COL28A1: variants seen among roughly 807,000 people sequenced by gnomAD.
COL28A1 encodes the protein collagen type XXVIII alpha 1 chain.
A neutral mutation model predicts 150.2 loss-of-function variants in COL28A1; 161 were observed. The observed-to-expected ratio is 1.07, with a 90% CI of 0.94 to 1.22. COL28A1 has a LOEUF of 1.22. COL28A1 is among the 50% of genes most tolerant of loss of function. The pLI, the probability that COL28A1 is intolerant of heterozygous loss-of-function variation, is 0.00. For missense variants in COL28A1, 1,617 were observed against 1,388.3 expected, an observed-to-expected ratio of 1.16 and a Z score of -2.62; for synonymous variants, 552 against 469.7, an observed-to-expected ratio of 1.18 and a Z score of -2.26.
chr7:7,503,766 A>G (rs1216884327), intron 11 of COL28A1, among the ~76,000 whole-genome samples: 1 of 152,224 alleles, frequency 6.6e-6, no homozygotes, highest in Non-Finnish European at 1.5e-5. Context: ...AGAAGTTAGT[A>G]ATAGTGTCAA....
intron 27 of COL28A1, among the ~76,000 whole-genome samples, chr7:7,397,778 C>T (rs1414810154): frequency 1.3e-5 from 2 of 152,102 alleles, no homozygotes; most frequent in African/African-American, 4.8e-5. Flanking sequence ...TGTACAGGTA[C>T]CTTACCCCCT....
chr7:7,393,217 C>G (rs921945822), intron 27 of COL28A1, among the ~76,000 whole-genome samples: 1 of 152,236 alleles, frequency 6.6e-6, no homozygotes, highest in Non-Finnish European at 1.5e-5. Flanking sequence ...AGTCTGGCCC[C>G]TCTGCTGCAG....
chr7:7,489,748 C>A (rs1287947319), intron 12 of COL28A1, among the ~76,000 whole-genome samples: 1 of 152,160 alleles, frequency 6.6e-6, no homozygotes, highest in Non-Finnish European at 1.5e-5. Flanking sequence ...AGGTTGGTTA[C>A]AGAGCTGACT....
intron 11 of COL28A1, among the ~76,000 whole-genome samples, chr7:7,492,210 T>C (rs1241221720): frequency 6.6e-6 from 1 of 152,060 alleles, no homozygotes; most frequent in East Asian, 1.9e-4. Context: ...CCCAGAAGCT[T>C]GTGATTTTGG....
rs552350369 is a variant in COL28A1 at position 7,448,179 on chromosome 7, G to T, written c.1510-3690C>A. 1.4e-4 allele frequency among the ~76,000 whole-genome samples: 21 copies of T among 152,260 alleles called. No individual in the cohort carries two copies. The South Asian group carries it at 4.1e-3, about 30-fold the overall frequency. On this transcript the variant is annotated intron_variant, in intron 18 of 34. Coordinates refer to ENST00000399429, the MANE Select transcript of COL28A1 (RefSeq NM_001037763.3). ...AATTTGATGAAAACTATAACTCATA[G>T]ATCTAAGAATATCAGTGAACCAAGA...
intron 2 of COL28A1, 38 bp downstream of exon 2, chr7:7,532,714 A>G (rs1782436117): frequency 1.9e-6 from 3 of 1,579,974 alleles, no homozygotes; most frequent in Non-Finnish European, 2.6e-6. Context: ...TATTTTTAAC[A>G]GGCTAAACTT....
chr7:7,395,495 A>G (rs992510222), intron 27 of COL28A1, among the ~76,000 whole-genome samples: 2 of 152,228 alleles, frequency 1.3e-5, no homozygotes, highest in African/African-American at 4.8e-5. Flanking sequence ...AATGGCCAGC[A>G]TTTCTAGCTC....
Position 7,531,447 on chromosome 7 carries a change from G to T in COL28A1, c.582C>A (p.Val194=). The change falls in exon 3 of 35, where the codon GTC becomes GTA. Residue 194 remains valine (V), a synonymous_variant. Transcript: ENST00000399429. The part of the protein sequence containing the change: ...SFITIALSTV[V]NEAKLRLISG... ...AAATCAAACGAAGTTTGGCTTCATTGACTACCGTAGAAAGTGCAATGGTGA... is the reference window on the plus strand; with the variant it reads ...AAATCAAACGAAGTTTGGCTTCATTTACTACCGTAGAAAGTGCAATGGTGA... The T allele has an allele frequency of 6.3e-7, 1 of 1,597,706 alleles. No individual in the cohort carries two copies. The highest frequency in any genetic ancestry group is 8.6e-7 in the Non-Finnish European group (1 of 1,165,480).
intron 15 of COL28A1, among the ~76,000 whole-genome samples, chr7:7,461,712 C>T (rs149462565): frequency 3.3e-5 from 5 of 152,270 alleles, no homozygotes; most frequent in East Asian, 3.9e-4. Context: ...CCCTTACCCC[C>T]ACAGCAGCCA....
intron 21 of COL28A1, among the ~76,000 whole-genome samples, chr7:7,438,808 T>G (rs1353052594): frequency 6.6e-6 from 1 of 152,164 alleles, no homozygotes; most frequent in Non-Finnish European, 1.5e-5. Flanking sequence ...CTACGGTAGG[T>G]GGGCCAAATC....
intron 33 of COL28A1, among the ~76,000 whole-genome samples, chr7:7,364,857 T>C (rs910606750): frequency 5.3e-5 from 8 of 152,314 alleles, no homozygotes; most frequent in East Asian, 1.9e-4. Flanking sequence ...TAGCATAGAA[T>C]AGGCAAAAAG....
At chr7:7,536,787 G>A (rs1782657519), upstream of COL28A1, among the ~76,000 whole-genome samples, 1 of 152,090 alleles carries the variant, frequency 6.6e-6, no homozygotes, top group Non-Finnish European at 1.5e-5. Context: ...AGCAATAATA[G>A]CCTCCAATTC....
intron 27 of COL28A1, among the ~76,000 whole-genome samples, chr7:7,417,184 CCT>C (rs1784129675): frequency 6.6e-6 from 1 of 151,608 alleles, no homozygotes; most frequent in Non-Finnish European, 1.5e-5. Flanking sequence ...CATGAGAGAC[CCT>C]GAGAGTCCCA....
intron 23 of COL28A1, among the ~76,000 whole-genome samples, chr7:7,433,940 G>A (rs564130800): frequency 1.5e-4 from 23 of 152,198 alleles, no homozygotes; most frequent in African/African-American, 2.4e-4. Context: ...AAACAAACTC[G>A]GAGATCAAAT....
intron 26 of COL28A1, among the ~76,000 whole-genome samples, chr7:7,418,217 T>G (rs955718492): frequency 6.6e-6 from 1 of 152,218 alleles, no homozygotes; most frequent in African/African-American, 2.4e-5. Flanking sequence ...TGGGCCCCCT[T>G]CACTGCCCTA....
At chr7:7,405,963 C>G (rs1424947753) in intron 27 of COL28A1, among the ~76,000 whole-genome samples, 4 of 152,190 alleles carry the variant, frequency 2.6e-5, no homozygotes, top group African/African-American at 9.6e-5. Context: ...TATAAAAGAA[C>G]CAACAGACAC....
At chr7:7,422,972 CA>C (rs1238565163) in intron 25 of COL28A1, among the ~76,000 whole-genome samples, 1 of 152,168 alleles carries the variant, frequency 6.6e-6, no homozygotes, top group Non-Finnish European at 1.5e-5. Context: ...CTATTTCAAT[CA>C]AATGCAATGT....
At chr7:7,473,998 C>T (rs1295015752) in intron 15 of COL28A1, among the ~76,000 whole-genome samples, 1 of 145,232 alleles carries the variant, frequency 6.9e-6, no homozygotes, top group Admixed American at 6.9e-5. Context: ...TATAGTATAA[C>T]ATATATTATA....
rs201515980 is a variant in COL28A1 at position 7,453,532 on chromosome 7, T to G, written c.1372-24A>C. 9.3e-4 allele frequency: 834 copies of G among 901,220 alleles called. 6 individuals carry two copies. The highest frequency in any genetic ancestry group is 1.8e-3 in the Admixed American group (96 of 53,278). 55.8% of individuals were successfully genotyped at this position (901,220 alleles called of 1,614,324 possible). A position where few individuals can be genotyped will look rare whatever the true frequency, so the allele number is the denominator to read the frequency against. ...CCCTTTAAAATAAAATTTTATAAAATAGTGTTAGTGAAATGAAGTAGTTTC... is the reference window on the plus strand; with the variant it reads ...CCCTTTAAAATAAAATTTTATAAAAGAGTGTTAGTGAAATGAAGTAGTTTC... On this transcript the variant is annotated intron_variant, in intron 16 of 34. Transcript: ENST00000399429.
Sources: allele counts gnomAD v4.1 joint callset (sites outside exome capture counted in the v4.1 genomes callset), GRCh38; gene constraint gnomAD v4.1.1; transcripts MANE v1.5; gene names NCBI Gene and HGNC (gene_info 2026-07-23, HGNC 2026-07-21).